NRCAM: variants seen among roughly 807,000 people sequenced by gnomAD.
NRCAM encodes the protein neuronal cell adhesion molecule, also known as NgCAM-related cell adhesion molecule.
A neutral mutation model predicts 156.5 loss-of-function variants in NRCAM; 83 were observed. The observed-to-expected ratio is 0.53, with a 90% CI of 0.44 to 0.64. The LOEUF (loss-of-function observed/expected upper bound fraction) is 0.64, where lower values mean the gene tolerates loss of function less well. Among genes scored for constraint, NRCAM ranks in the 30% least tolerant of loss-of-function variants. NRCAM has a pLI of 0.00. For synonymous variants in NRCAM, 538 were observed against 563.9 expected (o/e 0.95, Z 0.65); for missense variants, 1,417 against 1,597.3 (o/e 0.89, Z 1.92).
In NRCAM at chr7:108,234,714, A is replaced by T. The variant is rs1049438354; in HGVS notation, c.125-26T>A. 4 of 1,485,004 alleles carry T rather than the reference A, an allele frequency of 2.7e-6. No individual in the cohort carries two copies. The African/African-American group carries it at 5.6e-5, about 21-fold the overall frequency. The allele number at this position is 1,485,004 out of a possible 1,614,324, so 92.0% of individuals were successfully genotyped here. On this transcript the variant is annotated intron_variant, in intron 5 of 32. Transcript: ENST00000379028. ...CTTAATTGTAGAAAAAAAAAAATGT[A>T]AAAAAACAAATTATTTAAAATCATA...
chr7:108,267,656 G>C (rs2097159551), intron 3 of NRCAM, among the ~76,000 whole-genome samples: 1 of 152,126 alleles, frequency 6.6e-6, no homozygotes, highest in Non-Finnish European at 1.5e-5. Flanking sequence ...TTAAATTTTA[G>C]CATGTTGAGG....
At chr7:108,318,039 CTTT>C (rs779703662) in intron 2 of NRCAM, among the ~76,000 whole-genome samples, 39 of 72,850 alleles carry the variant, frequency 5.4e-4, no homozygotes, top group African/African-American at 1.7e-3. Context: ...TTCACTTTTC[CTTT>C]TTTTTTTTTT....
chr7:108,186,891 C>T (rs764672981), intron 20 of NRCAM, among the ~76,000 whole-genome samples: 3 of 152,298 alleles, frequency 2.0e-5, no homozygotes, highest in South Asian at 2.1e-4. Flanking sequence ...TCACAGCAAA[C>T]GCTTTGCAGA....
At chr7:108,420,072 T>TG (rs1347318741) in intron 1 of NRCAM, among the ~76,000 whole-genome samples, 1 of 103,238 alleles carries the variant, frequency 9.7e-6, no homozygotes, top group South Asian at 3.3e-4. Context: ...GTGTGTGTGT[T>TG]TATTTTTAAT....
At chr7:108,173,260 A>G (rs2059227329) in intron 28 of NRCAM, among the ~76,000 whole-genome samples, 1 of 152,188 alleles carries the variant, frequency 6.6e-6, no homozygotes, top group African/African-American at 2.4e-5. Flanking sequence ...TGTTGGGATT[A>G]CAGGTGTGAG....
At chr7:108,381,922 T>G (rs973554313) in intron 2 of NRCAM, among the ~76,000 whole-genome samples, 3 of 152,172 alleles carry the variant, frequency 2.0e-5, no homozygotes, top group Non-Finnish European at 4.4e-5. Flanking sequence ...CAGACAGGTA[T>G]GCTGGGCTCC....
chr7:108,207,710 T>C, intron 12 of NRCAM, 51 bp from the exon 13 acceptor site: 2 of 1,519,598 alleles, frequency 1.3e-6, no homozygotes, highest in Non-Finnish European at 1.8e-6. Context: ...ATAAGCATTT[T>C]AGCAAAAGAA....
intron 11 of NRCAM, among the ~76,000 whole-genome samples, chr7:108,212,680 C>A (rs1004754977): frequency 2.0e-4 from 31 of 152,020 alleles, no homozygotes; most frequent in Admixed American, 1.6e-3. Context: ...TTTCAATGAA[C>A]CCAATCCAAC....
At chr7:108,175,241 G>T in intron 28 of NRCAM, 81 bp downstream of exon 28, 1 of 1,119,526 alleles carries the variant, frequency 8.9e-7, no homozygotes, top group Non-Finnish European at 1.3e-6. Context: ...TATTTTCTCT[G>T]TTTTACCCAT....
At chr7:108,213,058 C>T (rs1033219850) in intron 11 of NRCAM, among the ~76,000 whole-genome samples, 32 of 152,158 alleles carry the variant, frequency 2.1e-4, no homozygotes, top group African/African-American at 7.2e-4. Context: ...CAGCAGAAAT[C>T]CTACAAGCTA....
chr7:108,199,821 G>A (rs1475044788), intron 13 of NRCAM, among the ~76,000 whole-genome samples: 1 of 152,154 alleles, frequency 6.6e-6, no homozygotes, highest in African/African-American at 2.4e-5. Flanking sequence ...AGTTTCTAGG[G>A]ATTGGGATGT....
chr7:108,169,741 G>C (rs566635395), intron 28 of NRCAM, among the ~76,000 whole-genome samples: 44 of 152,262 alleles, frequency 2.9e-4, no homozygotes, highest in African/African-American at 1.0e-3. Context: ...ATAGGAATAT[G>C]ATCAATCAAT....
chr7:108,197,082 G>A (rs1263362471), intron 14 of NRCAM, among the ~76,000 whole-genome samples: 1 of 152,114 alleles, frequency 6.6e-6, no homozygotes, highest in East Asian at 1.9e-4. Flanking sequence ...TGAACCTGGA[G>A]GATGTTGTGT....
intron 2 of NRCAM, among the ~76,000 whole-genome samples, chr7:108,336,298 G>A (rs961814289): frequency 6.6e-6 from 1 of 152,086 alleles, no homozygotes; most frequent in African/African-American, 2.4e-5. Context: ...CTGTTATTCG[G>A]TATGTTTGCA....
chr7:108,336,789 A>T (rs950281035), intron 2 of NRCAM, among the ~76,000 whole-genome samples: 1 of 152,210 alleles, frequency 6.6e-6, no homozygotes, highest in Non-Finnish European at 1.5e-5. Flanking sequence ...CATATCTCTT[A>T]AGTAATAACA....
chr7:108,354,082 C>CAGTT (rs1382107154), intron 2 of NRCAM, among the ~76,000 whole-genome samples: 1 of 152,160 alleles, frequency 6.6e-6, no homozygotes, highest in African/African-American at 2.4e-5. Context: ...ATCCAGCCAC[C>CAGTT]AGTTACCTTA....
At chr7:108,455,956 G>C (rs979070023) in intron 1 of NRCAM, among the ~76,000 whole-genome samples, 11 of 152,208 alleles carry the variant, frequency 7.2e-5, no homozygotes, top group Admixed American at 5.2e-4. Context: ...CAGGCTGGAG[G>C]GGGTGGTGGG....
chr7:108,440,485 A>T, intron 1 of NRCAM, among the ~76,000 whole-genome samples: 1 of 152,288 alleles, frequency 6.6e-6, no homozygotes, highest in South Asian at 2.1e-4. Context: ...ACACCAATTA[A>T]TTTACAGTAA....
chr7:108,330,383 G>T (rs1274226708), intron 2 of NRCAM, among the ~76,000 whole-genome samples: 1 of 152,128 alleles, frequency 6.6e-6, no homozygotes, highest in African/African-American at 2.4e-5. Context: ...GAGGAGAGAC[G>T]AGTCTTGATT....
Sources: gnomAD v4.1 joint callset for allele counts (sites outside exome capture counted in the v4.1 genomes callset) on GRCh38, gnomAD v4.1.1 for gene constraint, MANE v1.5 for transcripts, NCBI Gene and HGNC (gene_info 2026-07-23, HGNC 2026-07-21) for gene names.